ZFPM2: variants seen among roughly 807,000 people sequenced by gnomAD.
ZFPM2 encodes the protein zinc finger protein, FOG family member 2.
In ZFPM2, 20 loss-of-function variants were observed where a neutral mutation model predicts 98.6. That is an observed-to-expected ratio of 0.20 (90% confidence interval 0.14 to 0.29). ZFPM2 has a LOEUF of 0.29. ZFPM2 is among the 10% of genes least tolerant of loss of function. The probability of loss-of-function intolerance (pLI) is 1.00; values close to 1 mark genes in which losing one functional copy is unlikely to be tolerated. For synonymous variants in ZFPM2, 518 were observed against 502.7 expected, an observed-to-expected ratio of 1.03 and a Z score of -0.41; for missense variants, 1,310 against 1,388.6, an observed-to-expected ratio of 0.94 and a Z score of 0.90.
At chr8:105,471,094 A>G (rs1356772895) in intron 3 of ZFPM2, among the ~76,000 whole-genome samples, 1 of 151,952 alleles carries the variant, frequency 6.6e-6, no homozygotes, top group Non-Finnish European at 1.5e-5. Flanking sequence ...AACTTTTCTC[A>G]CTCTGACAGC....
At chr8:105,558,047 G>A (rs1815040084) in intron 3 of ZFPM2, among the ~76,000 whole-genome samples, 1 of 137,614 alleles carries the variant, frequency 7.3e-6, no homozygotes, top group Admixed American at 7.3e-5. Context: ...CGTTCAGCTG[G>A]TTATTGAACA....
chr8:105,802,554 A>G lies in ZFPM2; in HGVS notation c.2472A>G (p.Leu824=), dbSNP rs1339954826. The change falls in exon 8 of 8, where the codon CTA becomes CTG. Residue 824 remains leucine, a synonymous_variant. Coordinates refer to ENST00000407775, the MANE Select transcript of ZFPM2 (RefSeq NM_012082.4). ...CTACTCATTCCAGTGTTTCCTGCCT[A>G]GAGATGGACGTGCCCATAGATCTCA... The part of the protein sequence containing the change: ...CDTTHSSVSC[L]EMDVPIDLSK... The G allele has an allele frequency of 6.2e-7, 1 of 1,611,746 alleles. No homozygotes were observed.
intron 4 of ZFPM2, among the ~76,000 whole-genome samples, chr8:105,568,505 A>G (rs1329055454): frequency 6.6e-6 from 1 of 152,052 alleles, no homozygotes; most frequent in Non-Finnish European, 1.5e-5. Flanking sequence ...TTTTCCTTCT[A>G]TTCAGAGTCA....
intron 3 of ZFPM2, among the ~76,000 whole-genome samples, chr8:105,558,737 AT>A (rs1481527640): frequency 1.3e-5 from 2 of 152,068 alleles, no homozygotes; most frequent in Non-Finnish European, 2.9e-5. Context: ...GATTCTCATG[AT>A]TCCTCTGGTA....
chr8:105,549,082 A>G (rs1310439712), intron 3 of ZFPM2, among the ~76,000 whole-genome samples: 2 of 152,092 alleles, frequency 1.3e-5, no homozygotes, highest in Non-Finnish European at 1.5e-5. Context: ...CTCTGTTAGG[A>G]CCACTCCACA....
chr8:105,662,573 G>A (rs929508698), intron 5 of ZFPM2: 10 of 151,720 alleles, frequency 6.6e-5, no homozygotes, highest in African/African-American at 2.4e-4. Context: ...AGCAGCTGCA[G>A]TATCCAAAGA....
At chr8:105,330,538 C>CTCTCTATATATATATACA (rs1554594944) in intron 1 of ZFPM2, among the ~76,000 whole-genome samples, 3 of 100,128 alleles carry the variant, frequency 3.0e-5, no homozygotes, top group African/African-American at 1.2e-4. Flanking sequence ...CTCTCTCTCT[C>CTCTCTATATATATATACA]TATATATATA....
intron 5 of ZFPM2, among the ~76,000 whole-genome samples, chr8:105,786,040 TCAAA>T (rs1308593896): frequency 7.3e-4 from 27 of 37,102 alleles, no homozygotes; most frequent in African/African-American, 2.4e-3. Flanking sequence ...AGACTCCGTC[TCAAA>T]AAAAAAAAAA....
intron 5 of ZFPM2, among the ~76,000 whole-genome samples, chr8:105,752,564 G>T (rs1334862026): frequency 5.9e-5 from 9 of 152,214 alleles, no homozygotes; most frequent in Non-Finnish European, 2.9e-5. Flanking sequence ...CTTTGTCAAC[G>T]TAGAACACTT....
At chr8:105,373,293 T>C (rs1260031236) in intron 1 of ZFPM2, among the ~76,000 whole-genome samples, 3 of 152,218 alleles carry the variant, frequency 2.0e-5, no homozygotes, top group Non-Finnish European at 4.4e-5. Context: ...TTTCACAAGA[T>C]TCTTCTTTCT....
At chr8:105,335,886 C>T (rs1812316169) in intron 1 of ZFPM2, among the ~76,000 whole-genome samples, 1 of 151,756 alleles carries the variant, frequency 6.6e-6, no homozygotes, top group Non-Finnish European at 1.5e-5. Context: ...GGTGCTGCCC[C>T]TCCCTAACCA....
At chr8:105,728,478 C>T (rs904946964) in intron 5 of ZFPM2, among the ~76,000 whole-genome samples, 1 of 151,668 alleles carries the variant, frequency 6.6e-6, no homozygotes, top group East Asian at 1.9e-4. Flanking sequence ...AGAAAAGAGA[C>T]GATGTTAAAG....
At chr8:105,459,974 T>C (rs1812673520) in intron 3 of ZFPM2, among the ~76,000 whole-genome samples, 1 of 152,074 alleles carries the variant, frequency 6.6e-6, no homozygotes, top group Non-Finnish European at 1.5e-5. Flanking sequence ...GCCTTTGGGT[T>C]TAAGAGAGAG....
rs1388850690 is a variant in ZFPM2 at position 105,803,038 on chromosome 8, G to A, written c.2956G>A (p.Gly986Arg). The change falls in exon 8 of 8, where the codon GGA becomes AGA. Residue 986 changes from glycine (G) to arginine (R), a missense_variant. Physicochemically the swap from Gly to Arg is moderately radical, Grantham distance 125. Coordinates refer to ENST00000407775, the MANE Select transcript of ZFPM2 (RefSeq NM_012082.4). The stretch of plus-strand genomic sequence containing the variant: ...AGCCGACCAGCTTTCTCCATATTAT[G>A]GAATCAAGCCAAGTGATTATATTTC... ...KGADQLSPYY[G>R]IKPSDYISGS... 1.9e-6 allele frequency: 3 copies of A among 1,613,374 alleles called. No homozygotes were observed. The highest frequency in any genetic ancestry group is 2.5e-6 in the Non-Finnish European group (3 of 1,179,678).
intron 1 of ZFPM2, among the ~76,000 whole-genome samples, chr8:105,356,637 T>G (rs548735232): frequency 6.6e-6 from 1 of 152,348 alleles, no homozygotes; most frequent in South Asian, 2.1e-4. Flanking sequence ...ACAGTTTGCA[T>G]GTGCAGAAAT....
chr8:105,592,610 C>G (rs1481719768), intron 4 of ZFPM2, among the ~76,000 whole-genome samples: 1 of 152,004 alleles, frequency 6.6e-6, no homozygotes, highest in African/African-American at 2.4e-5. Flanking sequence ...TATGCACACA[C>G]ATATATTAAT....
At chr8:105,463,206 TATTC>T (rs1460027682) in intron 3 of ZFPM2, among the ~76,000 whole-genome samples, 1 of 151,970 alleles carries the variant, frequency 6.6e-6, no homozygotes, top group East Asian at 1.9e-4. Context: ...TCTGCCTTTA[TATTC>T]ATTTTTTAAT....
At chr8:105,359,934 A>G (rs576051731) in intron 1 of ZFPM2, among the ~76,000 whole-genome samples, 19 of 152,310 alleles carry the variant, frequency 1.2e-4, no homozygotes, top group Non-Finnish European at 2.4e-4. Flanking sequence ...GAGCAAGGGA[A>G]AGCCCACAGT....
At chr8:105,586,199 A>G (rs1815711142) in intron 4 of ZFPM2, among the ~76,000 whole-genome samples, 1 of 152,146 alleles carries the variant, frequency 6.6e-6, no homozygotes, top group Admixed American at 6.5e-5. Flanking sequence ...TGTTTCAATG[A>G]GGCACTAAAT....
Sources: allele counts gnomAD v4.1 joint callset (sites outside exome capture counted in the v4.1 genomes callset), GRCh38; gene constraint gnomAD v4.1.1; transcripts MANE v1.5; gene names NCBI Gene and HGNC (gene_info 2026-07-23, HGNC 2026-07-21).